The following POLR2K variants were observed in gnomAD, a reference collection of about 807,000 sequenced individuals.
The protein encoded by POLR2K is DNA-directed RNA polymerases I, II, and III subunit RPABC4.
In POLR2K, 9 loss-of-function variants were observed where a neutral mutation model predicts 10.1. That is an observed-to-expected ratio of 0.89 (90% CI 0.54 to 1.56). The LOEUF (loss-of-function observed/expected upper bound fraction) is 1.56. Ranked by LOEUF, POLR2K falls within the 40% of genes most tolerant of loss-of-function variation. The pLI is 0.00. For synonymous variants in POLR2K, 19 were observed against 20.3 expected, an observed-to-expected ratio of 0.94 and a Z score of 0.17; for missense variants, 53 against 71.9, an observed-to-expected ratio of 0.74 and a Z score of 0.95.
chr8:100,152,694 AT>A (rs1814935638), intron 3 of POLR2K, among the ~76,000 whole-genome samples: 1 of 152,216 alleles, frequency 6.6e-6, no homozygotes, highest in Non-Finnish European at 1.5e-5. Flanking sequence ...GTAAATTGTT[AT>A]GATACAACTA....
chr8:100,153,295 G>A lies in POLR2K; in HGVS notation c.156G>A (p.Leu52=). The A allele has an allele frequency of 6.2e-7, 1 of 1,607,902 alleles. No individual in the cohort carries two copies. Among genetic ancestry groups the A allele is most frequent in the Non-Finnish European group, 8.5e-7 (1 of 1,175,614 alleles). Residue 52 remains leucine (L), a splice_region_variant and synonymous_variant, in exon 4 of 4, where the codon TTG becomes TTA. Transcript: ENST00000353107. Reference sequence around the variant, plus strand: ...TGTCCTTAACTCAAATTAATACAGTGGTCGTTTTTGATGCTCGATGAATGC... The same window carrying A: ...TGTCCTTAACTCAAATTAATACAGTAGTCGTTTTTGATGCTCGATGAATGC... ...RIMYKKRTKR[L]VVFDAR
intron 2 of POLR2K, 138 bp from the exon 3 acceptor site, chr8:100,151,686 T>C (rs1219699359): frequency 1.2e-5 from 7 of 599,134 alleles, no homozygotes; most frequent in Non-Finnish European, 2.1e-5. Flanking sequence ...ATTTAATATA[T>C]TTAATAAAAG....
chr8:100,151,804 AT>A lies in POLR2K; in HGVS notation c.62-9del, dbSNP rs200886893. 10,887 of 992,048 alleles carry A rather than the reference AT, an allele frequency of 0.011. No homozygotes were observed. Among genetic ancestry groups the A allele is most frequent in the Non-Finnish European group, 0.013 (8,702 of 688,262 alleles). The allele number at this position is 992,048 out of a possible 1,614,324, so 61.5% of individuals were successfully genotyped here. On this transcript the variant is annotated intron_variant, in intron 2 of 3. Transcript: ENST00000353107. ...TATTTTCCTCTTAGGCATTGAGTAA[AT>A]TTTTTTTTTTAATTCTAGAGTGTCA...
chr8:100,150,900 C>T (rs1177547949), intron 1 of POLR2K, among the ~76,000 whole-genome samples, 191 bp downstream of exon 1: 1 of 152,160 alleles, frequency 6.6e-6, no homozygotes, highest in Non-Finnish European at 1.5e-5. Context: ...TTGTTCTTCC[C>T]TCGGTGAGCC....
chr8:100,151,290 G>C, intron 1 of POLR2K, 57 bp from the exon 2 acceptor site: 9 of 1,115,320 alleles, frequency 8.1e-6, no homozygotes, highest in Non-Finnish European at 1.2e-5. Flanking sequence ...AAATGGGCCC[G>C]GATGGACTTG....
chr8:100,152,091 G>A, intron 3 of POLR2K, 175 bp downstream of exon 3: 1 of 599,858 alleles, frequency 1.7e-6, no homozygotes. Context: ...TCTAAATAAT[G>A]CTAGTTGATT....
chr8:100,151,212 G>A, intron 1 of POLR2K, 135 bp from the exon 2 acceptor site: 2 of 703,838 alleles, frequency 2.8e-6, no homozygotes, highest in Non-Finnish European at 5.2e-6. Context: ...TCGTCCTTGA[G>A]ACCTAACCCA....
Position 100,151,413 on chromosome 8 carries a change from G to A in POLR2K, c.58G>A (p.Gly20Arg). The change falls in exon 2 of 4, where the codon GGA (glycine) becomes AGA (arginine). Residue 20 changes from glycine (G) to arginine (R), a missense_variant. Physicochemically the swap from Gly to Arg is moderately radical, Grantham distance 125 (BLOSUM62 -2). Coordinates refer to ENST00000353107, the MANE Select transcript of POLR2K (RefSeq NM_005034.4). ...GCAGCAACCAATGATATATATCTGT[G>A]GAGGTAAGAGTAGCACTTACCTAAA... is the stretch of plus-strand genomic sequence containing the variant. The part of the protein sequence containing the change: ...PKQQPMIYIC[G>R]ECHTENEIKS... 2 of 1,582,560 alleles carry A rather than the reference G, an allele frequency of 1.3e-6. No homozygotes were observed. The highest frequency in any genetic ancestry group is 1.7e-6 in the Non-Finnish European group (2 of 1,151,258).
chr8:100,151,704 C>T (rs913686327), intron 2 of POLR2K, 120 bp from the exon 3 acceptor site: 1 of 610,772 alleles, frequency 1.6e-6, no homozygotes, highest in Non-Finnish European at 2.9e-6. Flanking sequence ...AAGCAGCAGA[C>T]CCTTGAGATT....
intron 3 of POLR2K, 194 bp downstream of exon 3, chr8:100,152,110 C>G (rs556160138): frequency 1.7e-6 from 1 of 589,556 alleles, no homozygotes; most frequent in East Asian, 3.1e-5. Context: ...TTTTGGTTCT[C>G]ATAAATTTAT....
rs1295811736 is a variant in POLR2K, at chr8:100,150,664, C to T, written c.-55C>T. ...AGTTGGTCTCGACACCTGGACTAGC[C>T]GGGTTGTATTTGGAAACGCGGAGTG... On this transcript the variant is annotated 5_prime_UTR_variant, in exon 1 of 4. Transcript: ENST00000353107. 2 of 152,324 alleles carry T rather than the reference C, an allele frequency of 1.3e-5. No individual in the cohort carries two copies. The highest frequency in any genetic ancestry group is 6.5e-5 in the Admixed American group (1 of 15,292). The allele number at this position is 152,324 out of a possible 1,614,324, so 9.4% of individuals were successfully genotyped here.
rs1310503540 is a variant in POLR2K at position 100,153,853 on chromosome 8, TG to T, written c.*538del. Reference sequence around the variant, plus strand: ...TCCATTACGTGACTTTTTGTTTTATTGTATATGTAATTTAACACACAATAAA... The same window carrying T: ...TCCATTACGTGACTTTTTGTTTTATTTATATGTAATTTAACACACAATAAA... On this transcript the variant is annotated 3_prime_UTR_variant, in exon 4 of 4. Coordinates refer to ENST00000353107, the MANE Select transcript of POLR2K (RefSeq NM_005034.4). 4 of 152,242 alleles carry T rather than the reference TG, an allele frequency of 2.6e-5. No homozygotes were observed. Among genetic ancestry groups the T allele is most frequent in the Non-Finnish European group, 5.9e-5 (4 of 68,048 alleles). The allele number at this position is 152,242 out of a possible 1,614,324, so 9.4% of individuals were successfully genotyped here.
rs146836639 is a variant in POLR2K, at chr8:100,152,216, C to T, written c.154+300C>T. 1.5e-5 allele frequency: 8 copies of T among 519,432 alleles called. No homozygotes were observed. In the East Asian group the frequency reaches 2.1e-4, roughly 14 times the overall value. 32.2% of individuals were successfully genotyped at this position (519,432 alleles called of 1,614,324 possible). ...TCATCATTCCTACAGAAACCTAGAC[C>T]GTATATCCTACTATACATACACATC... On this transcript the variant is annotated intron_variant, in intron 3 of 3. Coordinates refer to ENST00000353107, the MANE Select transcript of POLR2K (RefSeq NM_005034.4).
intron 3 of POLR2K, among the ~76,000 whole-genome samples, chr8:100,152,629 C>G (rs1284672009): frequency 6.6e-6 from 1 of 152,154 alleles, no homozygotes; most frequent in Non-Finnish European, 1.5e-5. Context: ...TGCAGGAGTT[C>G]AAGACCAGCC....
chr8:100,152,797 G>A (rs921924537), intron 3 of POLR2K, among the ~76,000 whole-genome samples: 6 of 151,520 alleles, frequency 4.0e-5, no homozygotes, highest in Non-Finnish European at 7.4e-5. Flanking sequence ...ACGGAGTCTC[G>A]CTCTGTCACC....
At chr8:100,151,670 T>G (rs1305006661) in intron 2 of POLR2K, 154 bp from the exon 3 acceptor site, 3 of 596,820 alleles carry the variant, frequency 5.0e-6, no homozygotes, top group Non-Finnish European at 8.9e-6. Context: ...AACCTTTTTC[T>G]TTCCTATTTA....
At chr8:100,152,133 C>T (rs569863739) in intron 3 of POLR2K, 2 of 581,730 alleles carry the variant, frequency 3.4e-6, no homozygotes, top group African/African-American at 1.9e-5. Context: ...TTTAGGGATT[C>T]TGTGCAGTCA....
At chr8:100,152,842 A>G (rs1405576281) in intron 3 of POLR2K, among the ~76,000 whole-genome samples, 2 of 151,782 alleles carry the variant, frequency 1.3e-5, no homozygotes, top group Non-Finnish European at 2.9e-5. Flanking sequence ...CTCGGCTCAC[A>G]TTGCAAGCTC....
intron 3 of POLR2K, among the ~76,000 whole-genome samples, chr8:100,152,934 A>AT (rs1027826199): frequency 6.6e-5 from 10 of 151,634 alleles, no homozygotes; most frequent in African/African-American, 1.2e-4. Flanking sequence ...TGCCCGGCTA[A>AT]TTTTTTTTAT....
Sources: allele counts gnomAD v4.1 joint callset (sites outside exome capture counted in the v4.1 genomes callset), GRCh38; gene constraint gnomAD v4.1.1; transcripts MANE v1.5; gene names NCBI Gene and HGNC (gene_info 2026-07-23, HGNC 2026-07-21).